The following PEAR1 variants were observed in gnomAD, a reference collection of about 807,000 sequenced individuals.
PEAR1 encodes multiple EGF-like domains protein 12.
A neutral mutation model predicts 131.2 loss-of-function variants in PEAR1; 113 were observed. The observed-to-expected ratio is 0.86, with a 90% CI of 0.74 to 1.01. The LOEUF is 1.01. PEAR1 is among the 50% of genes least tolerant of loss of function. The pLI is 0.00. For synonymous variants in PEAR1, 565 were observed against 523.3 expected, an observed-to-expected ratio of 1.08 and a Z score of -1.09; for missense variants, 1,408 against 1,391.1, an observed-to-expected ratio of 1.01 and a Z score of -0.19.
At position 156,910,379 on chromosome 1, in the gene PEAR1, A is replaced by G. The variant is rs1311208167; in HGVS notation, c.1824A>G (p.Arg608=). 2 of 1,591,406 alleles carry G rather than the reference A, an allele frequency of 1.3e-6. No individual in the cohort carries two copies. The highest frequency in any genetic ancestry group is 2.3e-5 in the South Asian group (2 of 86,160). Residue 608 remains arginine, a splice_region_variant and synonymous_variant, in exon 14 of 23, where the codon AGA becomes AGG. Transcript: ENST00000292357. ...APGFRGPSCQ[R]SCQPGRYGKR... ...GATTCCGGGGCCCCTCCTGCCAGAG[A>G]TGTGAGGCTCCCTACTGCCCCTTCC...
rs756120222 is a variant in PEAR1, at chr1:156,908,791, G to GCTA, written c.1254_1256dup (p.Thr419dup). ...CTGCCTGCACGGTGGCGTCTGCCAG[G>GCTA]CTACCAGCGGCCTCTGTCAGTGCGC... On this transcript the variant is annotated inframe_insertion, in exon 10 of 23. Transcript: ENST00000292357. This position sits in a 1 kb window ranked among gnomAD's most constrained non-coding sequence, Gnocchi z 4.2. The GCTA allele has an allele frequency of 6.2e-7, 1 of 1,605,820 alleles. No individual in the cohort carries two copies.
Position 156,913,708 on chromosome 1 carries a change from C to T in PEAR1, c.2661C>T (p.Asp887=). The T allele has an allele frequency of 1.2e-6, 2 of 1,614,034 alleles. No homozygotes were observed. The highest frequency in any genetic ancestry group is 1.7e-6 in the Non-Finnish European group (2 of 1,180,004). Residue 887 remains aspartate, a synonymous_variant, in exon 21 of 23, where the codon GAC becomes GAT. Transcript: ENST00000292357. ...GPLDRGSSRL[D]RSYSYSYSNG... ...CCTCCTCAGGGAGCAGCCGCCTGGA[C>T]CGAAGCTACAGCTATAGCTACAGCA... is the stretch of plus-strand genomic sequence containing the variant.
intron 1 of PEAR1, among the ~76,000 whole-genome samples, chr1:156,901,773 C>A (rs1208789159): frequency 1.3e-5 from 2 of 151,170 alleles, no homozygotes; most frequent in Non-Finnish European, 3.0e-5. Context: ...CCCTGGCTGC[C>A]AACCACACTG....
rs1651735907 is a variant in PEAR1, at chr1:156,914,984, C to T, written c.*186C>T. The stretch of plus-strand genomic sequence containing the variant: ...TTCTACCATGGGAGACGCTGATCAG[C>T]AGGATGCCTGGCTCCCTTTCCCAAC... On this transcript the variant is annotated 3_prime_UTR_variant, in exon 23 of 23. Coordinates refer to ENST00000292357, the MANE Select transcript of PEAR1 (RefSeq NM_001080471.3). 1.6e-6 allele frequency: 1 copy of T among 636,726 alleles called. No individual in the cohort carries two copies. The highest frequency in any genetic ancestry group is 2.5e-6 in the Non-Finnish European group (1 of 404,688). The allele number at this position is 636,726 out of a possible 1,614,324, so 39.4% of individuals were successfully genotyped here.
At chr1:156,894,105 C>T (rs1382383696) in intron 1 of PEAR1, among the ~76,000 whole-genome samples, 1 of 152,154 alleles carries the variant, frequency 6.6e-6, no homozygotes, top group Non-Finnish European at 1.5e-5. Flanking sequence ...GAGGTTGTTC[C>T]CTAAGCCCCT....
Position 156,914,695 on chromosome 1 carries a change from C to T in PEAR1, c.3011C>T (p.Pro1004Leu), listed in dbSNP as rs555092328. Residue 1004 changes from proline (P) to leucine (L), a missense_variant, in exon 23 of 23, where the codon CCC becomes CTC. Pro to Leu is a moderately conservative substitution (Grantham distance 98, BLOSUM62 -3). Coordinates refer to ENST00000292357, the MANE Select transcript of PEAR1 (RefSeq NM_001080471.3). ...SQPPLPPGLP[P>L]GHYDSPKNSH... Reference sequence around the variant, plus strand: ...CCCCCTCTGCCTCCGGGCCTACCCCCCGGCCACTATGACTCACCCAAGAAC... The same window carrying T: ...CCCCCTCTGCCTCCGGGCCTACCCCTCGGCCACTATGACTCACCCAAGAAC... 5.6e-6 allele frequency: 9 copies of T among 1,614,004 alleles called. No homozygotes were observed. In the Admixed American group the frequency reaches 1.3e-4, roughly 24 times the overall value.
rs1201800413 is a variant in PEAR1 at position 156,904,862 on chromosome 1, C to T, written c.206+10C>T. 3 of 1,613,850 alleles carry T rather than the reference C, an allele frequency of 1.9e-6. No homozygotes were observed. The highest frequency in any genetic ancestry group is 1.7e-5 in the Admixed American group (1 of 59,998). On this transcript the variant is annotated intron_variant, in intron 3 of 22. Coordinates refer to ENST00000292357, the MANE Select transcript of PEAR1 (RefSeq NM_001080471.3). ...CTTGCCCCCAGCCCACGTGAGTGCT[C>T]CTCATCCTCCATGGGTGGATGGGCT...
At chr1:156,910,941 T>C (rs1351326319) in intron 15 of PEAR1, among the ~76,000 whole-genome samples, 198 bp downstream of exon 15, 1 of 152,220 alleles carries the variant, frequency 6.6e-6, no homozygotes, top group South Asian at 2.1e-4. Context: ...GGGGAAAAAT[T>C]CCTGCCCTTC....
At chr1:156,896,551 G>C (rs968968230) in intron 1 of PEAR1, among the ~76,000 whole-genome samples, 1 of 152,246 alleles carries the variant, frequency 6.6e-6, no homozygotes, top group African/African-American at 2.4e-5. Context: ...ATTGATGTGT[G>C]AATCAGGATC....
intron 1 of PEAR1, among the ~76,000 whole-genome samples, chr1:156,897,539 GAGGTGTGGAGCCTCCAGGGAC>G (rs1291394745): frequency 1.3e-5 from 2 of 152,236 alleles, no homozygotes; most frequent in Non-Finnish European, 2.9e-5. Context: ...GGGGTTTGGG[GAGGTGTGGAGCCTCCAGGGAC>G]AGGTGCATGT....
At position 156,912,517 on chromosome 1, in the gene PEAR1, G is replaced by A. The variant is rs1157240364; in HGVS notation, c.2104G>A (p.Ala702Thr). 2 of 1,613,714 alleles carry A rather than the reference G, an allele frequency of 1.2e-6. No individual in the cohort carries two copies. Among genetic ancestry groups the A allele is most frequent in the Admixed American group, 1.7e-5 (1 of 59,982 alleles). Residue 702 changes from alanine (A) to threonine (T), a missense_variant, in exon 17 of 23, where the codon GCT becomes ACT. Transcript: ENST00000292357. ...LEGCPLGTFG[A>T]NCSQPCQCGP... ...AGGCTGCCCTCTGGGGACATTTGGT[G>A]CTAACTGCTCCCAGCCATGCCAGTG...
intron 1 of PEAR1, among the ~76,000 whole-genome samples, chr1:156,898,509 A>G (rs972697269): frequency 6.6e-6 from 1 of 152,146 alleles, no homozygotes; most frequent in Non-Finnish European, 1.5e-5. Flanking sequence ...AAGCGTGTAC[A>G]TGGGTGTACT....
At chr1:156,901,411 C>G (rs543407499) in intron 1 of PEAR1, among the ~76,000 whole-genome samples, 8 of 152,280 alleles carry the variant, frequency 5.3e-5, no homozygotes, top group Non-Finnish European at 8.8e-5. Flanking sequence ...TAGGGGCTGA[C>G]AGGAATGGGA....
rs141962938 is a variant in PEAR1 at position 156,913,926 on chromosome 1, G to C, written c.2788G>C (p.Asp930His). 1.2e-6 allele frequency: 2 copies of C among 1,613,966 alleles called. No individual in the cohort carries two copies. Among genetic ancestry groups the C allele is most frequent in the African/African-American group, 2.7e-5 (2 of 74,934 alleles). ...SSENPYATIR[D>H]LPSLPGGPRE... ...TGAGAACCCATATGCCACCATCCGG[G>C]ACCTGCCCAGCTTGCCAGGGGGCCC... Residue 930 changes from aspartate to histidine, a missense_variant, in exon 22 of 23, where the codon GAC becomes CAC. Coordinates refer to ENST00000292357, the MANE Select transcript of PEAR1 (RefSeq NM_001080471.3).
At chr1:156,914,241 A>T in intron 22 of PEAR1, 141 bp downstream of exon 22, 1 of 1,357,134 alleles carries the variant, frequency 7.4e-7, no homozygotes. Context: ...GGCTCAAATC[A>T]GGCATGACGG....
Position 156,908,981 on chromosome 1 carries a change from A to G in PEAR1, c.1356A>G (p.Ser452=), listed in dbSNP as rs763334315. ...GTGTCAACTGTTCTGCACGCTGCTCATGTGAAAATGCCATCGCCTGCTCAC... is the reference window on the plus strand; with the variant it reads ...GTGTCAACTGTTCTGCACGCTGCTCGTGTGAAAATGCCATCGCCTGCTCAC... ...TYGVNCSARC[S]CENAIACSPI... is the part of the protein sequence containing the mutation. The change falls in exon 11 of 23, where the codon TCA becomes TCG. Residue 452 remains serine (S), a synonymous_variant. Transcript: ENST00000292357. This position sits in a 1 kb window ranked among gnomAD's most constrained non-coding sequence, Gnocchi z 4.2. 1 of 1,614,044 alleles carries G rather than the reference A, an allele frequency of 6.2e-7. No homozygotes were observed. The highest frequency in any genetic ancestry group is 8.5e-7 in the Non-Finnish European group (1 of 1,179,934).
Position 156,910,337 on chromosome 1 carries a change from C to T in PEAR1, c.1782C>T (p.Asn594=). ...NGGTCLPENG[N]CVCAPGFRGP... The stretch of plus-strand genomic sequence containing the variant: ...GCACCTGTCTCCCTGAGAATGGCAA[C>T]TGCGTGTGTGCACCCGGATTCCGGG... Residue 594 remains asparagine (N), a synonymous_variant, in exon 14 of 23, where the codon AAC becomes AAT. Transcript: ENST00000292357. 6.2e-7 allele frequency: 1 copy of T among 1,611,816 alleles called. No individual in the cohort carries two copies. Among genetic ancestry groups the T allele is most frequent in the Admixed American group, 1.7e-5 (1 of 59,812 alleles).
chr1:156,913,444 C>G lies in PEAR1; in HGVS notation c.2565C>G (p.Ala855=). 6.2e-7 allele frequency: 1 copy of G among 1,613,848 alleles called. No homozygotes were observed. The highest frequency in any genetic ancestry group is 8.5e-7 in the Non-Finnish European group (1 of 1,180,036). The part of the protein sequence containing the change: ...SLQNPERPGG[A]QGHDNHTTLP... ...AGAACCCTGAGCGGCCAGGTGGGGC[C>G]CAAGGGCATGATAACCACACCACCC... The change falls in exon 20 of 23, where the codon GCC becomes GCG. Residue 855 remains alanine, a synonymous_variant. Transcript: ENST00000292357.
chr1:156,910,851 C>G, intron 15 of PEAR1, 108 bp downstream of exon 15: 2 of 1,486,038 alleles, frequency 1.3e-6, no homozygotes, highest in South Asian at 1.3e-5. Flanking sequence ...CTGGGCCCAC[C>G]TTGAGTAAAT....
Sources: gnomAD v4.1 joint callset for allele counts (sites outside exome capture counted in the v4.1 genomes callset) on GRCh38, gnomAD v4.1.1 for gene constraint, Gnocchi (gnomAD v3.1) non-coding constraint, MANE v1.5 for transcripts, NCBI Gene and HGNC (gene_info 2026-07-23, HGNC 2026-07-21) for gene names.